LRCH2: variants seen among roughly 807,000 people sequenced by gnomAD.
LRCH2 encodes the protein leucine rich repeats and calponin homology domain containing 2, also known as leucine-rich repeat and calponin homology domain-containing protein 2.
Under a neutral mutation model 68.9 loss-of-function variants are expected in LRCH2, and 38 were observed. The observed-to-expected ratio is 0.55, with a 90% CI of 0.43 to 0.72. LRCH2 has a LOEUF of 0.72. LRCH2 is among the 30% of genes least tolerant of loss of function. The pLI, the probability that LRCH2 is intolerant of heterozygous loss-of-function variation, is 0.00. For missense variants in LRCH2, 528 were observed against 572.9 expected (o/e 0.92, Z 0.80); for synonymous variants, 191 against 208.1 (o/e 0.92, Z 0.71).
At chrX:115,163,439 G>A (rs987705671) in intron 11 of LRCH2, among the ~76,000 whole-genome samples, 2 of 110,812 alleles carry the variant, frequency 1.8e-5, no homozygotes, top group African/African-American at 3.3e-5. Flanking sequence ...TTATATTCCC[G>A]TCCTAAGTAT....
In LRCH2 at chrX:115,186,813, C is replaced by CT. The variant is rs35505436; in HGVS notation, c.494+1412dup. 6.7e-3 allele frequency among the ~76,000 whole-genome samples: 362 copies of CT among 54,222 alleles called. 5 individuals are homozygous for CT. Among genetic ancestry groups the CT allele is most frequent in the African/African-American group, 0.013 (215 of 16,649 alleles). The allele number at this position is 54,222 out of a possible 115,157, so 47.1% of individuals were successfully genotyped here. The stretch of plus-strand genomic sequence containing the variant: ...TCTTTGGAAGGAAACTTCCCTCACA[C>CT]TTTTTTTTTTTTTTTTTTTTTTTGA... On this transcript the variant is annotated intron_variant, in intron 2 of 20. Coordinates refer to ENST00000317135, the MANE Select transcript of LRCH2 (RefSeq NM_020871.4).
At chrX:115,207,244 A>C (rs1556568573) in intron 1 of LRCH2, among the ~76,000 whole-genome samples, 1 of 111,660 alleles carries the variant, frequency 9.0e-6, no homozygotes, top group Non-Finnish European at 1.9e-5. Flanking sequence ...AATCGGGGGA[A>C]AAAAAAACAG....
chrX:115,125,485 A>G (rs1182396848), intron 16 of LRCH2, among the ~76,000 whole-genome samples: 36 of 178 alleles, frequency 0.2, 1 homozygote, highest in East Asian at 0.5. Flanking sequence ...ATATATATAT[A>G]TATATATATA....
chrX:115,142,864 G>A (rs782172988), intron 14 of LRCH2, among the ~76,000 whole-genome samples: 40 of 111,669 alleles, frequency 3.6e-4, no homozygotes, highest in African/African-American at 1.3e-3. Flanking sequence ...CTTTGGGAGC[G>A]TGAGGTGGGC....
intron 14 of LRCH2, among the ~76,000 whole-genome samples, chrX:115,131,377 C>T (rs1035518881): frequency 8.2e-5 from 9 of 109,550 alleles, no homozygotes; most frequent in Middle Eastern, 4.7e-3. Flanking sequence ...GTCCTTGCGA[C>T]AGTTTGCTCA....
chrX:115,199,217 A>T (rs2072913038), intron 1 of LRCH2, among the ~76,000 whole-genome samples: 1 of 112,519 alleles, frequency 8.9e-6, no homozygotes, highest in Non-Finnish European at 1.9e-5. Context: ...ACCAAACCAA[A>T]GGCAAACATT....
intron 20 of LRCH2, 66 bp downstream of exon 20, chrX:115,122,461 G>A: frequency 3.3e-6 from 3 of 915,948 alleles, no homozygotes; most frequent in Non-Finnish European, 4.7e-6. Flanking sequence ...GCTCTAAGAA[G>A]AACCCCAGTT....
In LRCH2 at chrX:115,149,919, T is replaced by C. The variant is rs1556537813; in HGVS notation, c.1603A>G (p.Ile535Val). The change falls in exon 14 of 21, where the codon ATA becomes GTA. Residue 535 changes from isoleucine to valine, a missense_variant. Ile to Val is a conservative substitution (Grantham distance 29, BLOSUM62 3). Transcript: ENST00000317135. Reference sequence around the variant, plus strand: ...GATTCTGGCCACGGTTGTTCATCTATTTGATCCTTCTGATTTTCTAAGGGC... The same window carrying C: ...GATTCTGGCCACGGTTGTTCATCTACTTGATCCTTCTGATTTTCTAAGGGC... ...WQPLENQKDQ[I>V]DEQPWPESHP... The C allele has an allele frequency of 4.2e-6, 5 of 1,201,653 alleles. No individual in the cohort carries two copies. In the African/African-American group the frequency reaches 5.2e-5, roughly 13 times the overall value.
intron 2 of LRCH2, among the ~76,000 whole-genome samples, chrX:115,185,520 C>G (rs112612777): frequency 9.0e-6 from 1 of 111,507 alleles, no homozygotes; most frequent in Non-Finnish European, 1.9e-5. Flanking sequence ...CACTGGTAAG[C>G]GATAAGCTAT....
intron 14 of LRCH2, among the ~76,000 whole-genome samples, chrX:115,148,838 A>C (rs1304728321): frequency 9.0e-6 from 1 of 111,689 alleles, no homozygotes; most frequent in African/African-American, 3.2e-5. Context: ...TGAAGGCTTA[A>C]ATTTACCACA....
At chrX:115,119,702 G>C (rs781961638) in intron 20 of LRCH2, among the ~76,000 whole-genome samples, 198 of 78,440 alleles carry the variant, frequency 2.5e-3, no homozygotes, top group Non-Finnish European at 3.9e-3. Flanking sequence ...AAAAGAGCCC[G>C]CATCGCCAAG....
At chrX:115,154,014 G>A (rs896997394) in intron 12 of LRCH2, among the ~76,000 whole-genome samples, 1 of 111,590 alleles carries the variant, frequency 9.0e-6, no homozygotes, top group Non-Finnish European at 1.9e-5. Flanking sequence ...TAAGAAATGC[G>A]CTTTCTCTAC....
intron 1 of LRCH2, among the ~76,000 whole-genome samples, chrX:115,220,018 T>G (rs2073067852): frequency 8.9e-6 from 1 of 111,874 alleles, no homozygotes; most frequent in Non-Finnish European, 1.9e-5. Flanking sequence ...TCCCATAAAG[T>G]TTAAAAATTT....
intron 1 of LRCH2, chrX:115,192,044 C>T (rs1486116607): frequency 5.2e-6 from 6 of 1,164,910 alleles, no homozygotes; most frequent in African/African-American, 3.6e-5. Flanking sequence ...CGAGGCCGCT[C>T]GCACGACACC....
At chrX:115,148,533 C>T (rs1055166504) in intron 14 of LRCH2, among the ~76,000 whole-genome samples, 7 of 111,604 alleles carry the variant, frequency 6.3e-5, no homozygotes, top group Non-Finnish European at 1.3e-4. Flanking sequence ...ATATGAAATA[C>T]TACTAAAATT....
intron 1 of LRCH2, chrX:115,190,843 G>C: frequency 1.7e-6 from 2 of 1,155,089 alleles, no homozygotes; most frequent in Non-Finnish European, 2.3e-6. Context: ...CTGCGGAGGA[G>C]GAGGCCGTTA....
chrX:115,175,294 C>T (rs951026049), intron 5 of LRCH2, among the ~76,000 whole-genome samples: 2 of 111,387 alleles, frequency 1.8e-5, no homozygotes, highest in African/African-American at 6.5e-5. Context: ...AATTTATCGT[C>T]CCCAAGGCCA....
At chrX:115,197,617 T>G (rs1482105058) in intron 1 of LRCH2, among the ~76,000 whole-genome samples, 1 of 109,491 alleles carries the variant, frequency 9.1e-6, no homozygotes, top group Non-Finnish European at 1.9e-5. Context: ...CTAGGCGTGG[T>G]GGCACATGCT....
chrX:115,221,849 G>C (rs2073087071), intron 1 of LRCH2, among the ~76,000 whole-genome samples: 1 of 109,208 alleles, frequency 9.2e-6, no homozygotes, highest in Non-Finnish European at 1.9e-5. Flanking sequence ...TAGAAGATGA[G>C]GGGAAAGGGA....
Sources: allele counts gnomAD v4.1 joint callset (sites outside exome capture counted in the v4.1 genomes callset), GRCh38; gene constraint gnomAD v4.1.1; transcripts MANE v1.5; gene names NCBI Gene and HGNC (gene_info 2026-07-23, HGNC 2026-07-21).